MYRIP: variants seen among roughly 807,000 people sequenced by gnomAD.
MYRIP encodes rab effector MyRIP.
MYRIP carries 49 observed loss-of-function variants against 98.0 expected under a neutral mutation model. The ratio of observed to expected loss-of-function variants is 0.50; its 90% CI spans 0.40 to 0.63. The LOEUF (loss-of-function observed/expected upper bound fraction) is 0.63, where lower values mean the gene tolerates loss of function less well. MYRIP is among the 30% of genes least tolerant of loss of function. The probability of loss-of-function intolerance (pLI) is 0.00; values close to 1 mark genes in which losing one functional copy is unlikely to be tolerated. For synonymous variants in MYRIP, 404 were observed against 409.5 expected (o/e 0.99, Z 0.16); for missense variants, 1,004 against 1,058.2 (o/e 0.95, Z 0.71).
chr3:40,042,173 T>C (rs569106445), intron 2 of MYRIP, among the ~76,000 whole-genome samples: 1 of 146,624 alleles, frequency 6.8e-6, no homozygotes, highest in South Asian at 2.2e-4. Flanking sequence ...TATAACAATA[T>C]AGTAAAATGC....
chr3:39,845,278 T>C (rs1941927949), intron 1 of MYRIP, among the ~76,000 whole-genome samples: 1 of 152,172 alleles, frequency 6.6e-6, no homozygotes, highest in Non-Finnish European at 1.5e-5. Context: ...GGACATTTAC[T>C]TTGGGCACAG....
At chr3:40,225,211 G>A (rs1330095921) in intron 11 of MYRIP, among the ~76,000 whole-genome samples, 1 of 152,136 alleles carries the variant, frequency 6.6e-6, no homozygotes, top group Non-Finnish European at 1.5e-5. Flanking sequence ...ACTTGGAACA[G>A]GTTTTCTTAT....
chr3:40,212,265 T>A (rs1194539100), intron 11 of MYRIP, among the ~76,000 whole-genome samples: 1 of 130,344 alleles, frequency 7.7e-6, no homozygotes, highest in African/African-American at 2.6e-5. Context: ...TATACACGTA[T>A]ATATATAGAG....
Position 39,987,623 on chromosome 3 carries a change from C to T in MYRIP, c.111-56427C>T, listed in dbSNP as rs146160501. On this transcript the variant is annotated intron_variant, in intron 2 of 16. Coordinates refer to ENST00000302541, the MANE Select transcript of MYRIP (RefSeq NM_015460.4). ...TTGAACTAATTTACATTCCCACCAA[C>T]GGTGTAAAAGCATTCCTATTTATCC... Among the ~76,000 whole-genome samples the T allele has an allele frequency of 6.0e-3, 911 of 152,278 alleles. 6 individuals carry two copies. Among genetic ancestry groups the T allele is most frequent in the African/African-American group, 0.021 (866 of 41,554 alleles).
At chr3:40,018,882 C>G (rs1946927838) in intron 2 of MYRIP, among the ~76,000 whole-genome samples, 1 of 152,162 alleles carries the variant, frequency 6.6e-6, no homozygotes, top group African/African-American at 2.4e-5. Context: ...ACCTATCTAA[C>G]AGCCCATACC....
intron 2 of MYRIP, among the ~76,000 whole-genome samples, chr3:40,042,468 T>C (rs1575489962): frequency 1.3e-5 from 2 of 152,110 alleles, no homozygotes; most frequent in Non-Finnish European, 2.9e-5. Context: ...TAAATGAGAA[T>C]AAACACCATA....
intron 12 of MYRIP, among the ~76,000 whole-genome samples, chr3:40,236,939 A>G (rs113850910): frequency 6.6e-5 from 10 of 152,130 alleles, no homozygotes; most frequent in East Asian, 1.9e-4. Context: ...TTGGCCTCCC[A>G]CAGGGCTGGG....
At chr3:40,192,309 CATAT>C (rs763879430) in intron 10 of MYRIP, among the ~76,000 whole-genome samples, 2 of 57,940 alleles carry the variant, frequency 3.5e-5, no homozygotes. Context: ...TAGTTTTCTT[CATAT>C]ATATATATAT....
chr3:40,243,516 C>T (rs1176341447), intron 12 of MYRIP, among the ~76,000 whole-genome samples: 3 of 151,628 alleles, frequency 2.0e-5, no homozygotes, highest in African/African-American at 7.3e-5. Flanking sequence ...CCATATGTTT[C>T]ATTCAAATCA....
In MYRIP at chr3:40,182,391, T is replaced by G; in HGVS notation, c.1027+18T>G. The G allele has an allele frequency of 6.2e-7, 1 of 1,604,208 alleles. No homozygotes were observed. Among genetic ancestry groups the G allele is most frequent in the Non-Finnish European group, 8.5e-7 (1 of 1,174,358 alleles). On this transcript the variant is annotated intron_variant, in intron 9 of 16. Transcript: ENST00000302541. Reference sequence around the variant, plus strand: ...TGAAACAAGTAACTGTTTTAAGCAGTATCTAGTTGGTCTGTGGGTTTCAAA... The same window carrying G: ...TGAAACAAGTAACTGTTTTAAGCAGGATCTAGTTGGTCTGTGGGTTTCAAA...
intron 3 of MYRIP, among the ~76,000 whole-genome samples, chr3:40,066,031 G>A (rs1948119856): frequency 6.6e-6 from 1 of 152,154 alleles, no homozygotes; most frequent in African/African-American, 2.4e-5. Flanking sequence ...GGAAAAATAG[G>A]CCTTGCTGTG....
intron 2 of MYRIP, among the ~76,000 whole-genome samples, chr3:39,968,382 C>T (rs1945493897): frequency 6.6e-6 from 1 of 152,206 alleles, no homozygotes; most frequent in Non-Finnish European, 1.5e-5. Context: ...AGGCTGGTCT[C>T]AAACTCCTGA....
At chr3:40,194,907 T>C (rs1951346480) in intron 10 of MYRIP, among the ~76,000 whole-genome samples, 1 of 152,212 alleles carries the variant, frequency 6.6e-6, no homozygotes, top group African/African-American at 2.4e-5. Flanking sequence ...TATAACTTAG[T>C]TCCCTAATGG....
At chr3:39,842,189 A>T (rs531086777) in intron 1 of MYRIP, among the ~76,000 whole-genome samples, 1 of 152,288 alleles carries the variant, frequency 6.6e-6, no homozygotes, top group Admixed American at 6.5e-5. Context: ...CAGTCTGGCT[A>T]CATGGGCTTT....
At chr3:40,032,198 T>C (rs1306475159) in intron 2 of MYRIP, among the ~76,000 whole-genome samples, 1 of 152,166 alleles carries the variant, frequency 6.6e-6, no homozygotes, top group African/African-American at 2.4e-5. Flanking sequence ...GTCTTTGTTC[T>C]CGTTGGTTTC....
intron 1 of MYRIP, among the ~76,000 whole-genome samples, chr3:39,887,111 G>A (rs1943327822): frequency 6.6e-6 from 1 of 151,810 alleles, no homozygotes; most frequent in African/African-American, 2.4e-5. Flanking sequence ...ACAAAATGAA[G>A]GCAGAAATAA....
chr3:40,148,836 A>T (rs1189858296), intron 3 of MYRIP, among the ~76,000 whole-genome samples: 1 of 152,204 alleles, frequency 6.6e-6, no homozygotes, highest in Non-Finnish European at 1.5e-5. Context: ...TAGTTGGTGA[A>T]TAAAGGTAAC....
intron 2 of MYRIP, among the ~76,000 whole-genome samples, chr3:39,929,710 G>A (rs779779363): frequency 2.6e-5 from 4 of 151,976 alleles, no homozygotes; most frequent in Non-Finnish European, 5.9e-5. Flanking sequence ...TTTTAGAAAA[G>A]TTTCATCGCT....
intron 3 of MYRIP, among the ~76,000 whole-genome samples, chr3:40,118,220 G>T (rs1416082324): frequency 9.1e-6 from 1 of 109,604 alleles, no homozygotes. Context: ...TGATAACACT[G>T]TATGTTGGCA....
Sources: allele counts gnomAD v4.1 joint callset (sites outside exome capture counted in the v4.1 genomes callset), GRCh38; gene constraint gnomAD v4.1.1; transcripts MANE v1.5; gene names NCBI Gene and HGNC (gene_info 2026-07-23, HGNC 2026-07-21).